Variants in TEX11 observed in about 807,000 individuals in gnomAD.
TEX11 encodes testis expressed 11.
Under a neutral mutation model 84.4 loss-of-function variants are expected in TEX11, and 7 were observed. The ratio of observed to expected loss-of-function variants is 0.08; its 90% CI spans 0.05 to 0.16. The LOEUF is 0.16. TEX11 is among the 10% of genes least tolerant of loss of function. The pLI, the probability that TEX11 is intolerant of heterozygous loss-of-function variation, is 1.00. For missense variants in TEX11, 551 were observed against 660.5 expected (o/e 0.83, Z 1.82); for synonymous variants, 264 against 222.8 (o/e 1.18, Z -1.64).
intron 2 of TEX11, among the ~76,000 whole-genome samples, chrX:70,904,818 T>C (rs2091820995): frequency 8.9e-6 from 1 of 112,766 alleles, no homozygotes; most frequent in African/African-American, 3.2e-5. Context: ...AAATAACTTA[T>C]TAATAATTTG....
intron 17 of TEX11, among the ~76,000 whole-genome samples, chrX:70,642,449 G>A (rs1170868828): frequency 1.4e-4 from 15 of 109,214 alleles, no homozygotes; most frequent in Non-Finnish European, 2.5e-4. Context: ...TACCAAAGCC[G>A]GGCAGAGACA....
chrX:70,576,676 A>G lies in TEX11; in HGVS notation c.2140+15075T>C, dbSNP rs140281829. Among the ~76,000 whole-genome samples, 648 of 112,395 alleles carry G rather than the reference A, an allele frequency of 5.8e-3. 4 individuals are homozygous for G. The highest frequency in any genetic ancestry group is 0.02 in the African/African-American group (623 of 31,023). Reference sequence around the variant, plus strand: ...ATATATATGTGTGCATATTCTGAAGACCTATTATGTGCTAGGCGCACAATA... The same window carrying G: ...ATATATATGTGTGCATATTCTGAAGGCCTATTATGTGCTAGGCGCACAATA... On this transcript the variant is annotated intron_variant, in intron 25 of 29. Transcript: ENST00000374333.
chrX:70,613,756 A>G (rs1038790655), intron 20 of TEX11, among the ~76,000 whole-genome samples: 1 of 111,520 alleles, frequency 9.0e-6, no homozygotes, highest in East Asian at 2.8e-4. Context: ...CCTGGGTAGC[A>G]TAGCTTGTGG....
At chrX:70,619,546 T>A (rs952127949) in intron 20 of TEX11, among the ~76,000 whole-genome samples, 1 of 111,575 alleles carries the variant, frequency 9.0e-6, no homozygotes, top group East Asian at 2.8e-4. Context: ...AACAAATGAG[T>A]TATGTAGTAA....
At chrX:70,682,896 T>C in intron 13 of TEX11, 71 bp from the exon 14 acceptor site, 1 of 1,023,055 alleles carries the variant, frequency 9.8e-7, no homozygotes, top group South Asian at 2.3e-5. Flanking sequence ...GACTAAAATG[T>C]ATTTCAGTGT....
intron 3 of TEX11, among the ~76,000 whole-genome samples, chrX:70,875,985 T>C (rs747274793): frequency 1.8e-5 from 2 of 111,804 alleles, no homozygotes; most frequent in Non-Finnish European, 3.8e-5. Context: ...AAGTGTACTG[T>C]TGTCAGCAAC....
At chrX:70,621,657 T>C (rs894256467) in intron 20 of TEX11, among the ~76,000 whole-genome samples, 2 of 98,763 alleles carry the variant, frequency 2.0e-5, no homozygotes, top group Non-Finnish European at 4.0e-5. Flanking sequence ...TACGAAAGTA[T>C]TGGCAAACTC....
intron 17 of TEX11, among the ~76,000 whole-genome samples, chrX:70,647,252 C>T (rs770973395): frequency 1.4e-4 from 16 of 111,191 alleles, no homozygotes; most frequent in Non-Finnish European, 2.1e-4. Flanking sequence ...ACTAAGGAGT[C>T]GGGGAGATTA....
At chrX:70,866,702 C>CA (rs1197770040) in intron 4 of TEX11, among the ~76,000 whole-genome samples, 1 of 111,924 alleles carries the variant, frequency 8.9e-6, no homozygotes, top group Non-Finnish European at 1.9e-5. Context: ...CTACCACGAT[C>CA]AAGTCAGCTT....
intron 8 of TEX11, among the ~76,000 whole-genome samples, chrX:70,819,353 T>C (rs1162987888): frequency 1.8e-5 from 2 of 112,028 alleles, no homozygotes; most frequent in Non-Finnish European, 3.8e-5. Context: ...ATTATCTCAA[T>C]AGATGCAGAA....
intron 4 of TEX11, 104 bp downstream of exon 4, chrX:70,873,119 T>C: frequency 6.3e-6 from 3 of 476,566 alleles, no homozygotes; most frequent in Non-Finnish European, 1.0e-5. Context: ...TTTTAACAAA[T>C]CTCTATCTAA....
chrX:70,733,978 A>T (rs1215847684), intron 11 of TEX11, among the ~76,000 whole-genome samples: 1 of 111,818 alleles, frequency 8.9e-6, no homozygotes, highest in Non-Finnish European at 1.9e-5. Flanking sequence ...GCAGCCATAA[A>T]AAATGATGAG....
intron 11 of TEX11, among the ~76,000 whole-genome samples, chrX:70,725,842 G>T (rs912990130): frequency 9.0e-6 from 1 of 111,579 alleles, no homozygotes; most frequent in African/African-American, 3.3e-5. Context: ...TTCCACTTTC[G>T]CCTGACAGGG....
intron 9 of TEX11, among the ~76,000 whole-genome samples, chrX:70,780,601 C>A (rs1325837758): frequency 8.9e-6 from 1 of 112,472 alleles, no homozygotes; most frequent in Non-Finnish European, 1.9e-5. Flanking sequence ...TACACTCCTG[C>A]CCAAATACTG....
chrX:70,722,505 G>T, intron 13 of TEX11, 113 bp downstream of exon 13: 1 of 542,465 alleles, frequency 1.8e-6, no homozygotes, highest in Non-Finnish European at 3.1e-6. Flanking sequence ...AAGCTCCTGG[G>T]CTCAAGGGAT....
chrX:70,900,900 T>C (rs1214878502), intron 2 of TEX11, among the ~76,000 whole-genome samples: 1 of 111,233 alleles, frequency 9.0e-6, no homozygotes, highest in Admixed American at 9.7e-5. Flanking sequence ...GCTGAGATTA[T>C]GCCACTGCAC....
chrX:70,516,037 G>C, the TEX11 span, among the ~76,000 whole-genome samples: 1 of 112,056 alleles, frequency 8.9e-6, no homozygotes, highest in Admixed American at 9.5e-5. Flanking sequence ...TGTCAGAAGA[G>C]TAGGTTGCGA....
Position 70,695,456 on chromosome X carries a change from T to G in TEX11, c.1005-12631A>C, listed in dbSNP as rs755750795. Among the ~76,000 whole-genome samples, 3 of 112,122 alleles carry G rather than the reference T, an allele frequency of 2.7e-5. No homozygotes were observed. In the East Asian group the frequency reaches 8.4e-4, roughly 31 times the overall value. On this transcript the variant is annotated intron_variant, in intron 13 of 29. Coordinates refer to ENST00000374333, the MANE Select transcript of TEX11 (RefSeq NM_031276.3). ...AGTGACATTCAGTGATCAATGGCTG[T>G]CTGATGAAGGAGAGGTAGGGAGAGA...
At chrX:70,760,122 A>G (rs1569432625) in intron 9 of TEX11, among the ~76,000 whole-genome samples, 1 of 112,086 alleles carries the variant, frequency 8.9e-6, no homozygotes, top group African/African-American at 3.2e-5. Context: ...AGAGGACACA[A>G]ACAAATGGAA....
Sources: gnomAD v4.1 joint callset for allele counts (sites outside exome capture counted in the v4.1 genomes callset) on GRCh38, gnomAD v4.1.1 for gene constraint, MANE v1.5 for transcripts, NCBI Gene and HGNC (gene_info 2026-07-23, HGNC 2026-07-21) for gene names.